The following ASAP1 variants were observed in gnomAD, a reference collection of about 807,000 sequenced individuals.
The protein encoded by ASAP1 is ArfGAP with SH3 domain, ankyrin repeat and PH domain 1, also known as arf-GAP with SH3 domain, ANK repeat and PH domain-containing protein 1.
Under a neutral mutation model 145.2 loss-of-function variants are expected in ASAP1, and 43 were observed. The ratio of observed to expected loss-of-function variants is 0.30; its 90% CI spans 0.23 to 0.38. ASAP1 has a LOEUF of 0.38. ASAP1 is among the 10% of genes least tolerant of loss of function. ASAP1 has a pLI of 1.00. For missense variants in ASAP1, 1,018 were observed against 1,355.3 expected, an observed-to-expected ratio of 0.75 and a Z score of 3.91; for synonymous variants, 546 against 515.5, an observed-to-expected ratio of 1.06 and a Z score of -0.80.
intron 1 of ASAP1, among the ~76,000 whole-genome samples, chr8:130,440,811 C>T (rs1830464420): frequency 6.6e-6 from 1 of 152,212 alleles, no homozygotes; most frequent in African/African-American, 2.4e-5. Context: ...AGTTCCTTCT[C>T]CATTTTCCAA....
chr8:130,189,566 T>G lies in ASAP1; in HGVS notation c.406-1383A>C, dbSNP rs536480036. On this transcript the variant is annotated intron_variant, in intron 5 of 29. Coordinates refer to ENST00000518721, the MANE Select transcript of ASAP1 (RefSeq NM_018482.4). The stretch of plus-strand genomic sequence containing the variant: ...TATCTACTCAACTGTTGATGGACAC[T>G]TAGGTTGATTCCGTATCTTGGCTAC... Among the ~76,000 whole-genome samples the G allele has an allele frequency of 2.1e-4, 32 of 152,348 alleles. No homozygotes were observed. The South Asian group carries it at 6.4e-3, about 31-fold the overall frequency.
chr8:130,194,686 A>C (rs993734764), intron 5 of ASAP1, among the ~76,000 whole-genome samples: 1 of 152,088 alleles, frequency 6.6e-6, no homozygotes, highest in African/African-American at 2.4e-5. Context: ...AGATTCTCAT[A>C]AAGAGTGTTC....
intron 15 of ASAP1, among the ~76,000 whole-genome samples, chr8:130,129,898 A>G (rs994428577): frequency 6.6e-6 from 1 of 152,220 alleles, no homozygotes; most frequent in Admixed American, 6.5e-5. Flanking sequence ...AGAAGATTAA[A>G]ACAGTATTTT....
In ASAP1 at chr8:130,401,042, G is replaced by A. The variant is rs546062740; in HGVS notation, c.59+843C>T. The stretch of plus-strand genomic sequence containing the variant: ...ATTACAGGCGCCTGCCACCACACCC[G>A]GCTAATTTTTTGTATTTTTAGTAGA... On this transcript the variant is annotated intron_variant, in intron 2 of 29. Transcript: ENST00000518721. 7.6e-4 allele frequency among the ~76,000 whole-genome samples: 114 copies of A among 149,568 alleles called. 1 individual carries two copies. The South Asian group carries it at 0.019, about 24-fold the overall frequency.
rs1210081248 is a variant in ASAP1, at chr8:130,115,499, C to T, written c.2172+129G>A. 2.0e-5 allele frequency: 15 copies of T among 737,432 alleles called. 1 individual carries two copies. The highest frequency in any genetic ancestry group is 3.0e-4 in the Middle Eastern group (1 of 3,382). The allele number at this position is 737,432 out of a possible 1,614,324, so 45.7% of individuals were successfully genotyped here. A position where few individuals can be genotyped will look rare whatever the true frequency, so the allele number is the denominator to read the frequency against. The stretch of plus-strand genomic sequence containing the variant: ...ATGGTGCCCAATAAGGACTGAACAA[C>T]ATAAATGGCCCTGATACATTGGATC... On this transcript the variant is annotated intron_variant, in intron 23 of 29. Transcript: ENST00000518721.
At chr8:130,382,000 G>A (rs1197631291) in intron 2 of ASAP1, among the ~76,000 whole-genome samples, 1 of 152,052 alleles carries the variant, frequency 6.6e-6, no homozygotes, top group Non-Finnish European at 1.5e-5. Flanking sequence ...AAATTACCTT[G>A]TTCAGGCCGA....
intron 9 of ASAP1, among the ~76,000 whole-genome samples, chr8:130,176,572 T>C (rs760131483): frequency 7.9e-5 from 12 of 152,152 alleles, no homozygotes; most frequent in East Asian, 1.9e-4. Context: ...GTCTACCAGA[T>C]TGCAATCTGG....
intron 3 of ASAP1, among the ~76,000 whole-genome samples, chr8:130,284,929 C>T (rs1821515092): frequency 6.6e-6 from 1 of 151,828 alleles, no homozygotes; most frequent in Non-Finnish European, 1.5e-5. Flanking sequence ...GAGACATACA[C>T]TCATGAGTGG....
At chr8:130,206,130 G>A (rs940454141) in intron 5 of ASAP1, among the ~76,000 whole-genome samples, 7 of 152,018 alleles carry the variant, frequency 4.6e-5, no homozygotes, top group Admixed American at 6.6e-5. Flanking sequence ...CACATGGATA[G>A]ATCACATTTC....
At chr8:130,187,418 C>A (rs1004951667) in intron 6 of ASAP1, 133 bp from the exon 7 acceptor site, 4 of 708,398 alleles carry the variant, frequency 5.6e-6, no homozygotes, top group Non-Finnish European at 9.4e-6. Flanking sequence ...GCACGTTACA[C>A]CATTTTTTTT....
rs140398724 is a variant in ASAP1 at position 130,159,754 on chromosome 8, G to A, written c.1010+110C>T. The stretch of plus-strand genomic sequence containing the variant: ...CTTGAAGAAAACCAGTGTGCTAAAG[G>A]TCTGCAGCTAGTGTATTATAAAATT... On this transcript the variant is annotated intron_variant, in intron 12 of 29. Coordinates refer to ENST00000518721, the MANE Select transcript of ASAP1 (RefSeq NM_018482.4). The A allele has an allele frequency of 7.0e-4, 577 of 823,250 alleles. 1 individual carries two copies. The African/African-American group carries it at 9.2e-3, about 13-fold the overall frequency. 51.0% of individuals were successfully genotyped at this position (823,250 alleles called of 1,614,324 possible).
chr8:130,121,007 C>T (rs2135680627), intron 18 of ASAP1, among the ~76,000 whole-genome samples: 1 of 152,334 alleles, frequency 6.6e-6, no homozygotes, highest in Middle Eastern at 3.4e-3. Flanking sequence ...GTTAATGCTA[C>T]TATCTATTTA....
chr8:130,064,893 A>ATGTGTGTGTGTGTGTGTGTGTGTGTG (rs34905534), intron 27 of ASAP1, among the ~76,000 whole-genome samples: 1 of 142,564 alleles, frequency 7.0e-6, no homozygotes, highest in African/African-American at 2.6e-5. Context: ...TTTACTAAGA[A>ATGTGTGTGTGTGTGTGTGTGTGTGTG]TGTGTGTGTG....
intron 15 of ASAP1, among the ~76,000 whole-genome samples, chr8:130,128,438 A>G (rs1307063229): frequency 6.6e-6 from 1 of 152,144 alleles, no homozygotes; most frequent in Admixed American, 6.5e-5. Flanking sequence ...TGGAATGGAG[A>G]GGACTCAATG....
At chr8:130,386,103 A>T (rs1294682276) in intron 2 of ASAP1, among the ~76,000 whole-genome samples, 2 of 152,278 alleles carry the variant, frequency 1.3e-5, no homozygotes, top group African/African-American at 4.8e-5. Flanking sequence ...GGGTCTTTAA[A>T]CCGGTGGCTT....
At chr8:130,132,061 T>C (rs957335725) in intron 15 of ASAP1, among the ~76,000 whole-genome samples, 27 of 152,044 alleles carry the variant, frequency 1.8e-4, no homozygotes, top group Admixed American at 1.6e-3. Flanking sequence ...GAAAGGGAAA[T>C]GAGGAAGAGA....
chr8:130,250,745 A>C (rs1371049055), intron 3 of ASAP1, among the ~76,000 whole-genome samples: 1 of 152,168 alleles, frequency 6.6e-6, no homozygotes, highest in Non-Finnish European at 1.5e-5. Flanking sequence ...TTCTCATAAA[A>C]AAAACTGATG....
intron 9 of ASAP1, chr8:130,179,010 T>C (rs1023281204): frequency 3.3e-5 from 11 of 338,278 alleles, no homozygotes; most frequent in African/African-American, 2.1e-4. Context: ...GCGATCAAAT[T>C]TAGGAAGAAG....
intron 4 of ASAP1, among the ~76,000 whole-genome samples, chr8:130,215,951 A>T (rs1417621312): frequency 6.7e-6 from 1 of 148,726 alleles, no homozygotes; most frequent in Non-Finnish European, 1.5e-5. Context: ...AGGAAAGGGG[A>T]AAGGGGAAAG....
Sources: gnomAD v4.1 joint callset for allele counts (sites outside exome capture counted in the v4.1 genomes callset) on GRCh38, gnomAD v4.1.1 for gene constraint, MANE v1.5 for transcripts, NCBI Gene and HGNC (gene_info 2026-07-23, HGNC 2026-07-21) for gene names.